Variants in TRIM2 observed in about 807,000 individuals in gnomAD.
TRIM2 encodes the protein tripartite motif containing 2.
In TRIM2, 20 loss-of-function variants were observed where a neutral mutation model predicts 75.2. That is an observed-to-expected ratio of 0.27 (90% confidence interval 0.19 to 0.39). The LOEUF (loss-of-function observed/expected upper bound fraction) is 0.39, where lower values mean the gene tolerates loss of function less well. TRIM2 is among the 10% of genes least tolerant of loss of function. The probability of loss-of-function intolerance (pLI) is 1.00; values close to 1 mark genes in which losing one functional copy is unlikely to be tolerated. For synonymous variants in TRIM2, 373 were observed against 388.3 expected (o/e 0.96, Z 0.46); for missense variants, 660 against 990.8 (o/e 0.67, Z 4.48).
intron 2 of TRIM2, among the ~76,000 whole-genome samples, chr4:153,274,951 T>C (rs149020856): frequency 6.6e-6 from 1 of 152,332 alleles, no homozygotes; most frequent in African/African-American, 2.4e-5. Flanking sequence ...TGATGTCAGG[T>C]CTATTCATCT....
intron 3 of TRIM2, among the ~76,000 whole-genome samples, chr4:153,285,367 ATGAGTCCTCCAATTTTGTTCTTT>A (rs1412693753): frequency 2.6e-5 from 4 of 152,186 alleles, no homozygotes; most frequent in African/African-American, 9.7e-5. Context: ...ATTGGTAACT[ATGAGTCCTCCAATTTTGTTCTTT>A]TTCAAGATTG....
At chr4:153,263,598 C>T (rs1200505806) in intron 1 of TRIM2, among the ~76,000 whole-genome samples, 1 of 152,134 alleles carries the variant, frequency 6.6e-6, no homozygotes, top group Admixed American at 6.5e-5. Context: ...CCTTGTAGGC[C>T]TTACATTCTA....
chr4:153,307,883 G>A, intron 6 of TRIM2: 1 of 747,392 alleles, frequency 1.3e-6, no homozygotes. Context: ...CTTCATTGTG[G>A]GAGACCATGA....
chr4:153,200,990 G>A (rs1344649244), upstream of TRIM2, among the ~76,000 whole-genome samples: 1 of 151,398 alleles, frequency 6.6e-6, no homozygotes, highest in Non-Finnish European at 1.5e-5. Flanking sequence ...CTGAGACATA[G>A]TCTTGCTCCG....
At chr4:153,200,716 GAA>G (rs71598251), upstream of TRIM2, among the ~76,000 whole-genome samples, 1,843 of 130,906 alleles carry the variant, frequency 0.014, 13 homozygotes, top group Non-Finnish European at 0.02. Flanking sequence ...TTTTTAGTAA[GAA>G]AAAAAAATAT....
At chr4:153,258,151 G>T (rs1261468193) in intron 1 of TRIM2, among the ~76,000 whole-genome samples, 3 of 152,000 alleles carry the variant, frequency 2.0e-5, no homozygotes, top group Non-Finnish European at 4.4e-5. Context: ...GAGAACGTGC[G>T]ACCCTCCCCC....
At chr4:153,154,047 G>A (rs1728995238) in intron 1 of TRIM2, among the ~76,000 whole-genome samples, 1 of 152,062 alleles carries the variant, frequency 6.6e-6, no homozygotes, top group Non-Finnish European at 1.5e-5. Context: ...TTTAATTCCA[G>A]ACAAGGTTTT....
rs1475787727 is a variant in TRIM2, at chr4:153,337,348, C to A, written c.*2382C>A. 1.0e-6 allele frequency: 1 copy of A among 985,706 alleles called. No individual in the cohort carries two copies. Among genetic ancestry groups the A allele is most frequent in the Non-Finnish European group, 1.2e-6 (1 of 829,942 alleles). The allele number at this position is 985,706 out of a possible 1,614,324, so 61.1% of individuals were successfully genotyped here. Reference sequence around the variant, plus strand: ...AATCTAACCAGCCATCATATCATATCCTATCAGGCTAGATATCTCAATAGT... The same window carrying A: ...AATCTAACCAGCCATCATATCATATACTATCAGGCTAGATATCTCAATAGT... On this transcript the variant is annotated 3_prime_UTR_variant, in exon 12 of 12. Transcript: ENST00000338700.
At chr4:153,308,761 A>G in intron 6 of TRIM2, 1 of 529,100 alleles carries the variant, frequency 1.9e-6, no homozygotes, top group Non-Finnish European at 3.8e-6. Context: ...AACAGCAGAT[A>G]TTTTGAAGGA....
intron 10 of TRIM2, among the ~76,000 whole-genome samples, chr4:153,325,684 A>T (rs1365397053): frequency 5.9e-5 from 9 of 152,250 alleles, no homozygotes; most frequent in Non-Finnish European, 1.5e-5. Context: ...CCCATATGAG[A>T]TCCTAATAGT....
intron 1 of TRIM2, among the ~76,000 whole-genome samples, chr4:153,207,878 C>T (rs1039478710): frequency 3.3e-5 from 5 of 152,188 alleles, no homozygotes; most frequent in Middle Eastern, 3.2e-3. Flanking sequence ...GAAATCTCCC[C>T]GGAGGAACTC....
chr4:153,296,672 AAG>A (rs1035372307), intron 6 of TRIM2, among the ~76,000 whole-genome samples: 2 of 152,228 alleles, frequency 1.3e-5, no homozygotes, highest in Admixed American at 1.3e-4. Flanking sequence ...CCGATGAGCC[AAG>A]AGAGTTAGGA....
chr4:153,188,069 A>G (rs1320097905), intron 1 of TRIM2, among the ~76,000 whole-genome samples: 4 of 152,236 alleles, frequency 2.6e-5, no homozygotes, highest in Non-Finnish European at 5.9e-5. Flanking sequence ...TCTGCCCTTC[A>G]GGTTCCTAGG....
chr4:153,226,014 G>T (rs1259958255), intron 1 of TRIM2, among the ~76,000 whole-genome samples: 1 of 152,126 alleles, frequency 6.6e-6, no homozygotes, highest in Non-Finnish European at 1.5e-5. Flanking sequence ...GGGACTACAG[G>T]CATGTGCCAC....
intron 6 of TRIM2, among the ~76,000 whole-genome samples, chr4:153,311,531 C>T (rs1457935612): frequency 6.6e-6 from 1 of 151,802 alleles, no homozygotes; most frequent in East Asian, 1.9e-4. Context: ...GCTTTTTAGC[C>T]CCTTCTCTCC....
chr4:153,254,956 C>G (rs1311412186), intron 1 of TRIM2, among the ~76,000 whole-genome samples: 2 of 152,190 alleles, frequency 1.3e-5, no homozygotes, highest in South Asian at 2.1e-4. Flanking sequence ...AGGTATTACT[C>G]GCTGGTCCCA....
rs199988652 is a variant in TRIM2, at chr4:153,304,677, AC to A, written c.1510+8643del. 6.7e-3 allele frequency among the ~76,000 whole-genome samples: 1,021 copies of A among 152,250 alleles called. 12 individuals carry two copies. Among genetic ancestry groups the A allele is most frequent in the African/African-American group, 0.023 (962 of 41,530 alleles). On this transcript the variant is annotated intron_variant, in intron 6 of 11. Coordinates refer to ENST00000338700, the MANE Select transcript of TRIM2 (RefSeq NM_015271.5). Reference sequence around the variant, plus strand: ...GTGTTCCTCAAAGTGTGGTCCATAAACCACATGCACGAGAATGCCTTGAGGT... The same window carrying A: ...GTGTTCCTCAAAGTGTGGTCCATAAACACATGCACGAGAATGCCTTGAGGT...
chr4:153,271,428 T>C (rs979603010), intron 2 of TRIM2, among the ~76,000 whole-genome samples: 1 of 152,204 alleles, frequency 6.6e-6, no homozygotes, highest in East Asian at 1.9e-4. Context: ...TATTATCTGA[T>C]TGACCATTTT....
intron 1 of TRIM2, among the ~76,000 whole-genome samples, chr4:153,156,267 C>T (rs1488480065): frequency 6.6e-6 from 1 of 152,146 alleles, no homozygotes; most frequent in Non-Finnish European, 1.5e-5. Flanking sequence ...CCTGAAGAAA[C>T]ATCTCTTGGC....
Sources: allele counts gnomAD v4.1 joint callset (sites outside exome capture counted in the v4.1 genomes callset), GRCh38; gene constraint gnomAD v4.1.1; transcripts MANE v1.5; gene names NCBI Gene and HGNC (gene_info 2026-07-23, HGNC 2026-07-21).